The following KIRREL3 variants were observed in gnomAD, a reference collection of about 807,000 sequenced individuals.
The protein encoded by KIRREL3 is kirre like nephrin family adhesion molecule 3.
KIRREL3 carries 36 observed loss-of-function variants against 89.7 expected under a neutral mutation model. The ratio of observed to expected loss-of-function variants is 0.40; its 90% CI spans 0.31 to 0.53. KIRREL3 has a LOEUF of 0.53. Ranked by LOEUF, KIRREL3 falls within the 20% of genes least tolerant of loss-of-function variation. The probability of loss-of-function intolerance (pLI) is 0.49; values close to 1 mark genes in which losing one functional copy is unlikely to be tolerated. For missense variants in KIRREL3, 864 were observed against 1,056.6 expected (o/e 0.82, Z 2.53); for synonymous variants, 445 against 441.4 (o/e 1.01, Z -0.10).
rs1043079301 is a variant in KIRREL3, at chr11:126,996,252, G to A, written c.55+4203C>T. ...TGATTCTTCTTCCTCTAGACAAGAC[G>A]TCATCCCACATGGGGTTCTGGTAGG... On this transcript the variant is annotated intron_variant, in intron 1 of 16. Coordinates refer to ENST00000525144, the MANE Select transcript of KIRREL3 (RefSeq NM_032531.4). The surrounding 1 kb of genome is among the most constrained non-coding windows in gnomAD (Gnocchi z 4.7). Among the ~76,000 whole-genome samples the A allele has an allele frequency of 1.5e-4, 23 of 152,198 alleles. No individual in the cohort carries two copies. The highest frequency in any genetic ancestry group is 2.2e-4 in the African/African-American group (9 of 41,444).
rs942764288 is a variant in KIRREL3 at position 126,568,869 on chromosome 11, G to A, written c.56-5957C>T. On this transcript the variant is annotated intron_variant, in intron 1 of 16. Transcript: ENST00000525144. This position sits in a 1 kb window ranked among gnomAD's most constrained non-coding sequence, Gnocchi z 4.6. ...TTTCAGATATGAAAGTGGAGATGCAGAGAGGTGGAGTGAGCTCTCCAGGGT... is the reference window on the plus strand; with the variant it reads ...TTTCAGATATGAAAGTGGAGATGCAAAGAGGTGGAGTGAGCTCTCCAGGGT... 6.6e-6 allele frequency among the ~76,000 whole-genome samples: 1 copy of A among 152,108 alleles called. No homozygotes were observed. The highest frequency in any genetic ancestry group is 1.5e-5 in the Non-Finnish European group (1 of 68,026).
chr11:126,912,462 A>C lies in KIRREL3; in HGVS notation c.55+87993T>G, dbSNP rs1946863113. 6.6e-6 allele frequency among the ~76,000 whole-genome samples: 1 copy of C among 152,160 alleles called. No homozygotes were observed. Among genetic ancestry groups the C allele is most frequent in the African/African-American group, 2.4e-5 (1 of 41,438 alleles). Reference sequence around the variant, plus strand: ...TCCTCCAGCTGGTTCAGCACTTCCGATGGCTCCAGTCCTAAGCACCCCTCA... The same window carrying C: ...TCCTCCAGCTGGTTCAGCACTTCCGCTGGCTCCAGTCCTAAGCACCCCTCA... On this transcript the variant is annotated intron_variant, in intron 1 of 16. Coordinates refer to ENST00000525144, the MANE Select transcript of KIRREL3 (RefSeq NM_032531.4). The surrounding 1 kb of genome is among the most constrained non-coding windows in gnomAD (Gnocchi z 4.7).
chr11:126,923,176 C>CTTCTTCTTCTTCTTCTTCTTCTTCTCT (rs766266024), intron 1 of KIRREL3, among the ~76,000 whole-genome samples: 1 of 17,992 alleles, frequency 5.6e-5, no homozygotes, highest in Non-Finnish European at 1.1e-4. Context: ...TCTTCTTCTT[C>CTTCTTCTTCTTCTTCTTCTTCTTCTCT]TCTTCTTCTT....
In KIRREL3 at chr11:126,611,488, G is replaced by T. The variant is rs150159775; in HGVS notation, c.56-48576C>A. On this transcript the variant is annotated intron_variant, in intron 1 of 16. Coordinates refer to ENST00000525144, the MANE Select transcript of KIRREL3 (RefSeq NM_032531.4). This position sits in a 1 kb window ranked among gnomAD's most constrained non-coding sequence, Gnocchi z 4.7. ...ATTCCTCCTTCATACTGGACTTTGA[G>T]GACAACGTTTTCATGTTTCACATTT... Among the ~76,000 whole-genome samples, 303 of 152,208 alleles carry T rather than the reference G, an allele frequency of 2.0e-3. No homozygotes were observed. Among genetic ancestry groups the T allele is most frequent in the African/African-American group, 6.9e-3 (288 of 41,540 alleles).
chr11:126,746,628 T>C (rs1949161034), intron 1 of KIRREL3, among the ~76,000 whole-genome samples: 1 of 152,032 alleles, frequency 6.6e-6, no homozygotes, highest in South Asian at 2.1e-4. Context: ...TTGATTCTGG[T>C]CCCCCCTCTC....
rs768704755 is a variant in KIRREL3, at chr11:126,969,145, CCAAT to C, written c.55+31306_55+31309del. 7.2e-5 allele frequency among the ~76,000 whole-genome samples: 11 copies of C among 152,186 alleles called. No homozygotes were observed. The highest frequency in any genetic ancestry group is 2.1e-4 in the South Asian group (1 of 4,816). On this transcript the variant is annotated intron_variant, in intron 1 of 16. Coordinates refer to ENST00000525144, the MANE Select transcript of KIRREL3 (RefSeq NM_032531.4). The surrounding 1 kb of genome is among the most constrained non-coding windows in gnomAD (Gnocchi z 4.9). ...CAAGACAGAGGAGGGCGCTCAGGGGCCAATCAAACGACTTCTAAACCGCGAAAAC... is the reference window on the plus strand; with the variant it reads ...CAAGACAGAGGAGGGCGCTCAGGGGCCAAACGACTTCTAAACCGCGAAAAC...
rs1946536192 is a variant in KIRREL3 at position 126,683,208 on chromosome 11, A to G, written c.56-120296T>C. On this transcript the variant is annotated intron_variant, in intron 1 of 16. Coordinates refer to ENST00000525144, the MANE Select transcript of KIRREL3 (RefSeq NM_032531.4). The surrounding 1 kb of genome is among the most constrained non-coding windows in gnomAD (Gnocchi z 5.2). ...AATATTAAGAAAATACAGCAGGGAG[A>G]GATTGATTTTTAGGATTTAAGAAGA... is the stretch of plus-strand genomic sequence containing the variant. 6.6e-6 allele frequency among the ~76,000 whole-genome samples: 1 copy of G among 152,018 alleles called. No homozygotes were observed. The highest frequency in any genetic ancestry group is 1.9e-4 in the East Asian group (1 of 5,188).
rs1947938713 is a variant in KIRREL3 at position 126,931,294 on chromosome 11, A to C, written c.55+69161T>G. On this transcript the variant is annotated intron_variant, in intron 1 of 16. Transcript: ENST00000525144. The surrounding 1 kb of genome is among the most constrained non-coding windows in gnomAD (Gnocchi z 5.1). ...TAGGATGTACTGAAATCAAGATTGA[A>C]TGAATGAATGAATGGATAGACTGGA... Among the ~76,000 whole-genome samples, 1 of 152,196 alleles carries C rather than the reference A, an allele frequency of 6.6e-6. No individual in the cohort carries two copies. The highest frequency in any genetic ancestry group is 2.1e-4 in the South Asian group (1 of 4,830).
chr11:126,799,135 T>A (rs1482284671), intron 1 of KIRREL3, among the ~76,000 whole-genome samples: 5 of 138,416 alleles, frequency 3.6e-5, no homozygotes, highest in African/African-American at 1.4e-4. Context: ...CGTGTGCATG[T>A]ACCTGTGTGT....
At chr11:126,992,947 A>G (rs1950077355) in intron 1 of KIRREL3, among the ~76,000 whole-genome samples, 1 of 152,148 alleles carries the variant, frequency 6.6e-6, no homozygotes, top group South Asian at 2.1e-4. Context: ...TCATTCTGGC[A>G]TTCATCTACC....
In KIRREL3 at chr11:126,487,600, G is replaced by GT. The variant is rs199850459; in HGVS notation, c.434-14135dup. The stretch of plus-strand genomic sequence containing the variant: ...CCGACCTGAGCCTTCTTCTTTTTTT[G>GT]TTTTTTCTCAAAAAGTACAAGCTTC... On this transcript the variant is annotated intron_variant, in intron 4 of 16. Transcript: ENST00000525144. 9.5e-3 allele frequency among the ~76,000 whole-genome samples: 1,450 copies of GT among 151,972 alleles called. 18 individuals carry two copies. The highest frequency in any genetic ancestry group is 0.033 in the African/African-American group (1,379 of 41,532).
chr11:126,493,237 C>T (rs906403446), intron 4 of KIRREL3, among the ~76,000 whole-genome samples: 1 of 152,186 alleles, frequency 6.6e-6, no homozygotes, highest in Non-Finnish European at 1.5e-5. Flanking sequence ...AGAATTGGAG[C>T]TGGGCTGGGC....
Position 126,463,320 on chromosome 11 carries a change from G to C in KIRREL3, c.592-13C>G. ...CCCGAAGCAGGGTCTTGGGAGAAAG[G>C]GAAAGGGGAGAGAAAGCTCCATGTC... On this transcript the variant is annotated splice_polypyrimidine_tract_variant and intron_variant, in intron 5 of 16. Transcript: ENST00000525144. This position sits in a 1 kb window ranked among gnomAD's most constrained non-coding sequence, Gnocchi z 5.9. 6.2e-7 allele frequency: 1 copy of C among 1,608,762 alleles called. No individual in the cohort carries two copies. Among genetic ancestry groups the C allele is most frequent in the African/African-American group, 1.3e-5 (1 of 74,994 alleles).
chr11:126,941,214 T>A (rs1948432007), intron 1 of KIRREL3, among the ~76,000 whole-genome samples: 1 of 152,144 alleles, frequency 6.6e-6, no homozygotes, highest in Admixed American at 6.6e-5. Context: ...AGACTCACCC[T>A]CAGCATCATT....
At chr11:126,435,357 G>C in intron 12 of KIRREL3, 54 bp from the exon 13 acceptor site, 4 of 1,593,406 alleles carry the variant, frequency 2.5e-6, no homozygotes, top group East Asian at 2.2e-5. Context: ...GCCAGGGTGG[G>C]GTGGGACTGG....
At chr11:126,552,564 T>A (rs1051174664) in intron 2 of KIRREL3, among the ~76,000 whole-genome samples, 88 of 81,360 alleles carry the variant, frequency 1.1e-3, no homozygotes, top group African/African-American at 3.3e-3. Flanking sequence ...TTTTTTTTTT[T>A]TTTTTTTTTT....
chr11:126,504,172 G>C (rs966476753), intron 4 of KIRREL3, among the ~76,000 whole-genome samples: 2 of 152,078 alleles, frequency 1.3e-5, no homozygotes, highest in African/African-American at 4.8e-5. Context: ...CATCATCTGT[G>C]ACCCCTCTCT....
At chr11:126,467,525 C>T (rs1049976208) in intron 5 of KIRREL3, among the ~76,000 whole-genome samples, 21 of 152,194 alleles carry the variant, frequency 1.4e-4, no homozygotes, top group South Asian at 2.1e-4. Flanking sequence ...ATGGGGTGCC[C>T]GATGACAGGC....
At chr11:126,911,508 C>G (rs1946812835) in intron 1 of KIRREL3, among the ~76,000 whole-genome samples, 1 of 152,132 alleles carries the variant, frequency 6.6e-6, no homozygotes, top group Non-Finnish European at 1.5e-5. Context: ...TGGCCACGGA[C>G]CAACAGGGCA....
Sources: gnomAD v4.1 joint callset for allele counts (sites outside exome capture counted in the v4.1 genomes callset) on GRCh38, gnomAD v4.1.1 for gene constraint, Gnocchi (gnomAD v3.1) non-coding constraint, MANE v1.5 for transcripts, NCBI Gene and HGNC (gene_info 2026-07-23, HGNC 2026-07-21) for gene names.